RXFP1: variants seen among roughly 807,000 people sequenced by gnomAD.
The protein encoded by RXFP1 is relaxin receptor 1.
In RXFP1, 73 loss-of-function variants were observed where a neutral mutation model predicts 89.8. The observed-to-expected ratio is 0.81, with a 90% CI of 0.67 to 0.99. RXFP1 has a LOEUF of 0.99. RXFP1 is among the 50% of genes least tolerant of loss of function. The pLI, the probability that RXFP1 is intolerant of heterozygous loss-of-function variation, is 0.00. For synonymous variants in RXFP1, 277 were observed against 305.5 expected (o/e 0.91, Z 0.97); for missense variants, 793 against 895.5 (o/e 0.89, Z 1.46).
At chr4:158,606,352 T>G (rs1191715688) in intron 5 of RXFP1, among the ~76,000 whole-genome samples, 2 of 152,246 alleles carry the variant, frequency 1.3e-5, no homozygotes, top group Non-Finnish European at 2.9e-5. Flanking sequence ...TGTGGATGAA[T>G]TAATTCCTGA....
chr4:158,601,894 G>A (rs1346127503), intron 4 of RXFP1, among the ~76,000 whole-genome samples: 1 of 152,126 alleles, frequency 6.6e-6, no homozygotes, highest in East Asian at 1.9e-4. Flanking sequence ...GATAAACACT[G>A]ATTTTGACTA....
chr4:158,565,320 A>C (rs191754890), intron 1 of RXFP1, among the ~76,000 whole-genome samples: 6 of 152,348 alleles, frequency 3.9e-5, no homozygotes, highest in Middle Eastern at 3.4e-3. Context: ...AGTATTAGAA[A>C]TATACAGAGA....
chr4:158,549,789 C>G (rs536460202), intron 1 of RXFP1, among the ~76,000 whole-genome samples: 4 of 152,248 alleles, frequency 2.6e-5, no homozygotes, highest in Non-Finnish European at 5.9e-5. Flanking sequence ...GCAAATGCTG[C>G]TGCCTGATTG....
At chr4:158,601,103 T>C (rs567090959) in intron 4 of RXFP1, among the ~76,000 whole-genome samples, 1 of 151,880 alleles carries the variant, frequency 6.6e-6, no homozygotes, top group South Asian at 2.1e-4. Flanking sequence ...AAAGGTTGAA[T>C]CATTGAATTA....
At chr4:158,633,595 A>G (rs1768540139) in intron 12 of RXFP1, 119 bp downstream of exon 12, 1 of 568,994 alleles carries the variant, frequency 1.8e-6, no homozygotes, top group South Asian at 2.6e-5. Context: ...CATTAGCTAC[A>G]TTCACATTGC....
chr4:158,568,676 A>G (rs1754360474), intron 1 of RXFP1, among the ~76,000 whole-genome samples: 1 of 152,194 alleles, frequency 6.6e-6, no homozygotes, highest in Admixed American at 6.5e-5. Context: ...AAGTGAGAAC[A>G]TTATTTGTAG....
At chr4:158,636,055 AG>A (rs1241770500) in intron 12 of RXFP1, among the ~76,000 whole-genome samples, 1 of 151,988 alleles carries the variant, frequency 6.6e-6, no homozygotes, top group African/African-American at 2.4e-5. Flanking sequence ...TCTTGTTTCA[AG>A]GTGTTGTTTT....
At chr4:158,617,592 A>AATATG (rs1764849013) in intron 9 of RXFP1, among the ~76,000 whole-genome samples, 1 of 152,038 alleles carries the variant, frequency 6.6e-6, no homozygotes, top group East Asian at 1.9e-4. Context: ...GAATAATAAG[A>AATATG]ATATGATATT....
chr4:158,615,585 A>G (rs1348410674), intron 8 of RXFP1, among the ~76,000 whole-genome samples: 1 of 151,998 alleles, frequency 6.6e-6, no homozygotes, highest in African/African-American at 2.4e-5. Context: ...TTGTGACACC[A>G]CAAAACTACT....
In RXFP1 at chr4:158,617,174, C is replaced by G; in HGVS notation, c.724C>G (p.Leu242Val). 1 of 1,611,084 alleles carries G rather than the reference C, an allele frequency of 6.2e-7. No homozygotes were observed. Among genetic ancestry groups the G allele is most frequent in the Non-Finnish European group, 8.5e-7 (1 of 1,178,470 alleles). The change falls in exon 9 of 18, where the codon CTC (leucine) becomes GTC (valine). Residue 242 changes from leucine to valine, a missense_variant. By Grantham distance (32) the Leu-to-Val change is conservative. Coordinates refer to ENST00000307765, the MANE Select transcript of RXFP1 (RefSeq NM_021634.4). ...CCTCACCCGTTTACCTGATAAACCT[C>G]TCTGTCAACACATGCCAAGACTACA... ...NVLTRLPDKPLCQHMPRLHWL... is the reference protein window; with the variant it reads ...NVLTRLPDKPVCQHMPRLHWL...
Position 158,639,319 on chromosome 4 carries a change from A to C in RXFP1, c.1103A>C (p.Asn368Thr), listed in dbSNP as rs746059102. The C allele has an allele frequency of 6.5e-7, 1 of 1,530,056 alleles. No individual in the cohort carries two copies. Among genetic ancestry groups the C allele is most frequent in the East Asian group, 2.3e-5 (1 of 44,382 alleles). 94.8% of individuals were successfully genotyped at this position (1,530,056 alleles called of 1,614,324 possible). Residue 368 changes from asparagine (N) to threonine (T), a missense_variant, in exon 14 of 18, where the codon AAT becomes ACT. Asn to Thr is a moderately conservative substitution (Grantham distance 65, BLOSUM62 0). Transcript: ENST00000307765. ...IQQRMFRPLM[N>T]LSHIYFKKFQ... ...CAAAGGATGTTTAGACCTCTTATGA[A>C]TCTCTCTCACATGTAAGTAGATATT...
Position 158,542,109 on chromosome 4 carries a change from A to ATATATATATATATTT in RXFP1, c.49+20085_49+20086insATATATATATATTTT. On this transcript the variant is annotated intron_variant, in intron 1 of 17. Coordinates refer to ENST00000307765, the MANE Select transcript of RXFP1 (RefSeq NM_021634.4). ...TATATATATATATATATATATATAT[A>ATATATATATATATTT]TTTTTTTTTTAGTAGAGACAGGGTT... 2.7e-3 allele frequency among the ~76,000 whole-genome samples: 96 copies of ATATATATATATATTT among 35,194 alleles called. 3 individuals are homozygous for ATATATATATATATTT. The highest frequency in any genetic ancestry group is 4.1e-3 in the Non-Finnish European group (74 of 17,966). 23.1% of individuals were successfully genotyped at this position (35,194 alleles called of 152,430 possible). A position where few individuals can be genotyped will look rare whatever the true frequency, so the allele number is the denominator to read the frequency against.
intron 9 of RXFP1, among the ~76,000 whole-genome samples, chr4:158,621,320 C>A (rs1765593288): frequency 6.6e-6 from 1 of 151,948 alleles, no homozygotes; most frequent in Non-Finnish European, 1.5e-5. Flanking sequence ...CTGGAAAAAA[C>A]AACAACAACG....
chr4:158,604,606 A>G (rs879049069), intron 4 of RXFP1, among the ~76,000 whole-genome samples: 6 of 152,182 alleles, frequency 3.9e-5, no homozygotes, highest in Admixed American at 1.3e-4. Flanking sequence ...AGATGATCCA[A>G]TTATAGGTAC....
chr4:158,527,564 A>AATGTATATATAT lies in RXFP1; in HGVS notation c.49+5541_49+5542insGTATATATATAT, dbSNP rs1742890913. On this transcript the variant is annotated intron_variant, in intron 1 of 17. Coordinates refer to ENST00000307765, the MANE Select transcript of RXFP1 (RefSeq NM_021634.4). ...ATCTCCCCCGCTCCAAAAAAAAAAA[A>AATGTATATATAT]ATATATATATATATGTATATATATA... is the stretch of plus-strand genomic sequence containing the variant. Among the ~76,000 whole-genome samples the AATGTATATATAT allele has an allele frequency of 2.0e-5, 2 of 98,338 alleles. 1 individual carries two copies. Among genetic ancestry groups the AATGTATATATAT allele is most frequent in the Admixed American group, 2.7e-4 (2 of 7,306 alleles). The allele number at this position is 98,338 out of a possible 152,430, so 64.5% of individuals were successfully genotyped here. A position where few individuals can be genotyped will look rare whatever the true frequency, so the allele number is the denominator to read the frequency against.
intron 1 of RXFP1, among the ~76,000 whole-genome samples, chr4:158,557,186 T>C (rs930597493): frequency 2.0e-5 from 3 of 152,208 alleles, no homozygotes; most frequent in Non-Finnish European, 4.4e-5. Context: ...TCAAATTGTA[T>C]CCTTAAAATA....
Position 158,646,912 on chromosome 4 carries a change from A to T in RXFP1, c.1467A>T (p.Gly489=). The T allele has an allele frequency of 1.2e-6, 2 of 1,614,166 alleles. No homozygotes were observed. Among genetic ancestry groups the T allele is most frequent in the Non-Finnish European group, 1.7e-6 (2 of 1,180,028 alleles). ...AGAGTACTCATTGTCAGCTTGTAGG[A>T]TCTTTGGCCATTCTGTCCACAGAAG... is the stretch of plus-strand genomic sequence containing the variant. The part of the protein sequence containing the change: ...WMESTHCQLV[G]SLAILSTEVS... Residue 489 remains glycine (G), a synonymous_variant, in exon 16 of 18, where the codon GGA becomes GGT. Transcript: ENST00000307765.
chr4:158,578,979 G>T (rs550401064), intron 2 of RXFP1, among the ~76,000 whole-genome samples: 1 of 146,598 alleles, frequency 6.8e-6, no homozygotes, highest in Non-Finnish European at 1.5e-5. Context: ...ATATAATGCA[G>T]GTAAAGAGTG....
intron 2 of RXFP1, among the ~76,000 whole-genome samples, chr4:158,591,585 CAAAAAA>C (rs556318387): frequency 4.9e-5 from 4 of 82,378 alleles, no homozygotes; most frequent in African/African-American, 1.2e-4. Flanking sequence ...CCCATCTCTA[CAAAAAA>C]AAAAAAAAAA....
Sources: gnomAD v4.1 joint callset for allele counts (sites outside exome capture counted in the v4.1 genomes callset) on GRCh38, gnomAD v4.1.1 for gene constraint, MANE v1.5 for transcripts, NCBI Gene and HGNC (gene_info 2026-07-23, HGNC 2026-07-21) for gene names.